The following ARMCX4 variants were observed in gnomAD, a reference collection of about 807,000 sequenced individuals.
The protein encoded by ARMCX4 is armadillo repeat-containing X-linked protein 4.
In ARMCX4, 3 loss-of-function variants were observed where a neutral mutation model predicts 34.7. That is an observed-to-expected ratio of 0.09 (90% CI 0.04 to 0.22). The LOEUF (loss-of-function observed/expected upper bound fraction) is 0.22. Among genes scored for constraint, ARMCX4 ranks in the 10% least tolerant of loss-of-function variants. ARMCX4 has a pLI of 1.00. For synonymous variants in ARMCX4, 513 were observed against 632.8 expected, an observed-to-expected ratio of 0.81 and a Z score of 2.84; for missense variants, 1,448 against 1,720.8, an observed-to-expected ratio of 0.84 and a Z score of 2.81.
intron 4 of ARMCX4, among the ~76,000 whole-genome samples, chrX:101,477,006 AAATAT>A (rs1194221179): frequency 1.8e-5 from 2 of 111,666 alleles, no homozygotes; most frequent in Non-Finnish European, 3.8e-5. Context: ...GCAATAGGAA[AAATAT>A]AAGAAAATAC....
chrX:101,436,988 A>T (rs1555995007), intron 2 of ARMCX4, among the ~76,000 whole-genome samples: 1 of 111,893 alleles, frequency 8.9e-6, no homozygotes, highest in Non-Finnish European at 1.9e-5. Flanking sequence ...CATCCCAGGG[A>T]TGAAGCCCAC....
chrX:101,423,392 C>T (rs991119991), intron 2 of ARMCX4, among the ~76,000 whole-genome samples: 1 of 107,165 alleles, frequency 9.3e-6, no homozygotes, highest in African/African-American at 3.4e-5. Context: ...CCGAGGTGGG[C>T]GGATCACCAG....
intron 2 of ARMCX4, among the ~76,000 whole-genome samples, chrX:101,441,098 A>G (rs1931262163): frequency 9.0e-6 from 1 of 110,981 alleles, no homozygotes; most frequent in Admixed American, 9.6e-5. Flanking sequence ...AGCTGTTCCT[A>G]TTCGGCCATC....
upstream of ARMCX4, among the ~76,000 whole-genome samples, chrX:101,482,890 CTTTTTTTTTTTTTTT>C (rs36075508): frequency 1.8e-5 from 1 of 54,728 alleles, no homozygotes; most frequent in African/African-American, 8.7e-5. Flanking sequence ...TTGCGTCAGG[CTTTTTTTTTTTTTTT>C]TTTTTTTTTT....
At chrX:101,485,989 T>C (rs960600924) in intron 1 of ARMCX4, 34 bp from the exon 2 acceptor site, 1 of 111,484 alleles carries the variant, frequency 9.0e-6, no homozygotes, top group Non-Finnish European at 1.9e-5. Flanking sequence ...AGACCAACAC[T>C]AAGTGGTTTT....
At chrX:101,476,304 T>C (rs1556004269) in intron 4 of ARMCX4, among the ~76,000 whole-genome samples, 2 of 109,471 alleles carry the variant, frequency 1.8e-5, no homozygotes, top group Non-Finnish European at 1.9e-5. Flanking sequence ...AAATAATACA[T>C]AAGTAAATGA....
intron 2 of ARMCX4, among the ~76,000 whole-genome samples, chrX:101,425,915 G>C (rs1408131948): frequency 1.8e-5 from 2 of 110,675 alleles, no homozygotes; most frequent in African/African-American, 6.6e-5. Flanking sequence ...TGATTTCTTG[G>C]GCTCAGGCGA....
intron 11 of ARMCX4, chrX:101,531,640 C>G (rs782283354): frequency 2.7e-5 from 3 of 111,554 alleles, no homozygotes; most frequent in African/African-American, 6.5e-5. Context: ...GTTATCTTTG[C>G]TAGATTTTAG....
chrX:101,520,563 C>T (rs1298862070), intron 11 of ARMCX4, among the ~76,000 whole-genome samples: 4 of 112,078 alleles, frequency 3.6e-5, no homozygotes, highest in African/African-American at 9.7e-5. Flanking sequence ...TGGCATATTA[C>T]GTTGATTGAT....
At chrX:101,526,226 C>G (rs1485736905) in intron 11 of ARMCX4, among the ~76,000 whole-genome samples, 3 of 111,705 alleles carry the variant, frequency 2.7e-5, no homozygotes, top group African/African-American at 9.8e-5. Context: ...TCATATCCAG[C>G]CAAACTAAGC....
At chrX:101,504,374 G>T (rs1934391368) in intron 7 of ARMCX4, among the ~76,000 whole-genome samples, 1 of 110,792 alleles carries the variant, frequency 9.0e-6, no homozygotes, top group Non-Finnish European at 1.9e-5. Flanking sequence ...AAATTACCTT[G>T]GGCAGTATGG....
rs372278313 is a variant in ARMCX4 at position 101,474,804 on chromosome X, G to A, written c.-472-11219G>A. ...TCAATAAATTAGGTATTGATGGGAC[G>A]TATTTCAAAATAATAAGAGCTATCT... On this transcript the variant is annotated intron_variant and NMD_transcript_variant, in intron 4 of 15. Transcript: ENST00000433011. 7.6e-5 allele frequency among the ~76,000 whole-genome samples: 7 copies of A among 92,655 alleles called. No individual in the cohort carries two copies. In the East Asian group the frequency reaches 1.6e-3, roughly 22 times the overall value. The allele number at this position is 92,655 out of a possible 115,157, so 80.5% of individuals were successfully genotyped here. A position where few individuals can be genotyped will look rare whatever the true frequency, so the allele number is the denominator to read the frequency against.
chrX:101,493,861 A>C lies in ARMCX4; in HGVS notation c.5272A>C (p.Arg1758=), dbSNP rs1556010586. ...AGAGGAAAAAGCTGATATTGTGTCC[A>C]GGCCTGATGATAAAGATGAGGCCAC... The part of the protein sequence containing the change: ...WTEEKADIVS[R]PDDKDEATTA... Residue 1758 remains arginine (R), a synonymous_variant, in exon 6 of 6, where the codon AGG becomes CGG. Coordinates refer to ENST00000423738, the MANE Select transcript of ARMCX4 (RefSeq NM_001256155.3). 8.7e-7 allele frequency: 1 copy of C among 1,152,779 alleles called. No individual in the cohort carries two copies. The highest frequency in any genetic ancestry group is 1.1e-6 in the Non-Finnish European group (1 of 872,109).
rs1556010032 is a variant in ARMCX4, at chrX:101,492,802, G to A, written c.4213G>A (p.Ala1405Thr). 8.7e-7 allele frequency: 1 copy of A among 1,155,484 alleles called. No homozygotes were observed. ...CACAGAAGAAGGGTCTTGGGCTGGG[G>A]CTGGTGGCCAGGCTGGTGGAGGGTC... ...QTTEEGSWAG[A>T]GGQAGGGSKV... is the part of the protein sequence containing the mutation. Residue 1405 changes from alanine (A) to threonine (T), a missense_variant, in exon 6 of 6, where the codon GCT becomes ACT. Physicochemically the swap from Ala to Thr is moderately conservative, Grantham distance 58. This residue lies in a region of ARMCX4 where 1,343 missense variants were observed against 1,540.7 expected (regional missense o/e 0.87). Transcript: ENST00000423738.
rs782436170 is a variant in ARMCX4 at position 101,440,632 on chromosome X, C to T, written n.165-3420C>T. Among the ~76,000 whole-genome samples the T allele has an allele frequency of 5.4e-5, 6 of 111,855 alleles. No individual in the cohort carries two copies. In the South Asian group the frequency reaches 2.2e-3, roughly 42 times the overall value. On this transcript the variant is annotated intron_variant and non_coding_transcript_variant, in intron 2 of 3. Coordinates refer to the ARMCX4 transcript ENST00000430461. ...TTTGGTGGGCTCCACCTAGTTGGAG[C>T]TTCCTGGCCGCTTTGTTTACCTACT...
intron 7 of ARMCX4, among the ~76,000 whole-genome samples, chrX:101,504,545 G>A (rs1008441429): frequency 9.0e-6 from 1 of 110,781 alleles, no homozygotes; most frequent in Non-Finnish European, 1.9e-5. Flanking sequence ...GAGCCCTCCT[G>A]CCTAGTTATG....
At chrX:101,436,678 T>C (rs1195414004) in intron 2 of ARMCX4, among the ~76,000 whole-genome samples, 2 of 111,535 alleles carry the variant, frequency 1.8e-5, no homozygotes, top group African/African-American at 6.5e-5. Flanking sequence ...CTTCCAACAC[T>C]ATGTTGAATA....
chrX:101,442,745 A>G (rs1321285304), intron 2 of ARMCX4, among the ~76,000 whole-genome samples: 2 of 110,517 alleles, frequency 1.8e-5, no homozygotes, highest in African/African-American at 6.6e-5. Context: ...ACCTCTCTCT[A>G]CCTCTATCAT....
chrX:101,424,013 A>G (rs914379090), intron 2 of ARMCX4, among the ~76,000 whole-genome samples: 1 of 110,480 alleles, frequency 9.1e-6, no homozygotes, highest in African/African-American at 3.3e-5. Flanking sequence ...ACAGGCATGC[A>G]CCACCACGCC....
Sources: allele counts gnomAD v4.1 joint callset (sites outside exome capture counted in the v4.1 genomes callset), GRCh38; gene constraint gnomAD v4.1.1; regional missense constraint gnomAD v4.1.1; transcripts MANE v1.5; gene names NCBI Gene and HGNC (gene_info 2026-07-23, HGNC 2026-07-21).